The following FER variants were observed in gnomAD, a reference collection of about 807,000 sequenced individuals.
The protein encoded by FER is tyrosine-protein kinase Fer.
Under a neutral mutation model 111.0 loss-of-function variants are expected in FER, and 63 were observed. That is an observed-to-expected ratio of 0.57 (90% CI 0.46 to 0.70). FER has a LOEUF of 0.70. FER is among the 30% of genes least tolerant of loss of function. FER has a pLI of 0.00. For synonymous variants in FER, 327 were observed against 313.9 expected (o/e 1.04, Z -0.44); for missense variants, 914 against 954.0 (o/e 0.96, Z 0.55).
rs142969195 is a variant in FER at position 108,771,912 on chromosome 5, T to C, written c.-60+3674T>C. 1.9e-3 allele frequency among the ~76,000 whole-genome samples: 284 copies of C among 152,316 alleles called. 1 individual carries two copies. Among genetic ancestry groups the C allele is most frequent in the Middle Eastern group, 3.4e-3 (1 of 294 alleles). ...AATGTATTTGTCTTTTTGTTCATTT[T>C]GGCTGCTATGACAAAATACCTGAGA... On this transcript the variant is annotated intron_variant, in intron 2 of 19. Coordinates refer to ENST00000281092, the MANE Select transcript of FER (RefSeq NM_005246.4).
At chr5:109,085,581 A>T (rs538567989) in intron 16 of FER, among the ~76,000 whole-genome samples, 4 of 151,678 alleles carry the variant, frequency 2.6e-5, no homozygotes, top group Admixed American at 2.6e-4. Flanking sequence ...ATATTCAGTA[A>T]AATGATAAAT....
chr5:108,844,481 T>C (rs950664799), intron 5 of FER, among the ~76,000 whole-genome samples: 1 of 152,118 alleles, frequency 6.6e-6, no homozygotes, highest in African/African-American at 2.4e-5. Context: ...TTTTAACAGG[T>C]TCATTTTGAT....
chr5:108,915,316 T>C (rs1013537751), intron 10 of FER, among the ~76,000 whole-genome samples: 1 of 151,916 alleles, frequency 6.6e-6, no homozygotes, highest in Admixed American at 6.6e-5. Context: ...CTACTAAAAA[T>C]ACAAAAATTA....
rs546991728 is a variant in FER at position 108,781,054 on chromosome 5, A to T, written c.-60+12816A>T. On this transcript the variant is annotated intron_variant, in intron 2 of 19. Coordinates refer to ENST00000281092, the MANE Select transcript of FER (RefSeq NM_005246.4). ...CTGCTTACATTGCCCATCTGTTCTTATATGCAGTCTATTTTATCCATTAGA... is the reference window on the plus strand; with the variant it reads ...CTGCTTACATTGCCCATCTGTTCTTTTATGCAGTCTATTTTATCCATTAGA... Among the ~76,000 whole-genome samples the T allele has an allele frequency of 2.6e-5, 4 of 152,170 alleles. No homozygotes were observed. The East Asian group carries it at 5.8e-4, about 22-fold the overall frequency.
intron 17 of FER, among the ~76,000 whole-genome samples, chr5:109,116,878 TAATA>T (rs1750318145): frequency 6.6e-6 from 1 of 152,154 alleles, no homozygotes; most frequent in Non-Finnish European, 1.5e-5. Context: ...GTGAAATGAA[TAATA>T]AATACGTATT....
chr5:109,148,194 A>G (rs1348892639), intron 17 of FER, among the ~76,000 whole-genome samples: 1 of 152,096 alleles, frequency 6.6e-6, no homozygotes, highest in African/African-American at 2.4e-5. Context: ...AAGAATGGGA[A>G]TTAATCCATG....
intron 10 of FER, among the ~76,000 whole-genome samples, chr5:108,901,176 A>G (rs1446331839): frequency 6.6e-6 from 1 of 150,408 alleles, no homozygotes; most frequent in Non-Finnish European, 1.5e-5. Flanking sequence ...CTCTTTTCAG[A>G]TGCCAGGTCT....
chr5:109,061,470 C>T (rs545343494), intron 16 of FER, among the ~76,000 whole-genome samples: 23 of 152,102 alleles, frequency 1.5e-4, no homozygotes, highest in Non-Finnish European at 2.6e-4. Flanking sequence ...GTACAGAGAG[C>T]TTGAAGTGAC....
At chr5:108,830,753 G>A (rs1244818198) in intron 3 of FER, 2 of 152,184 alleles carry the variant, frequency 1.3e-5, no homozygotes, top group African/African-American at 4.8e-5. Context: ...CATTGTTCAT[G>A]GAGAAGGGTG....
In FER at chr5:109,180,826, G is replaced by C. The variant is rs760355122; in HGVS notation, c.2128G>C (p.Asp710His). 2.2e-5 allele frequency: 36 copies of C among 1,613,534 alleles called. No individual in the cohort carries two copies. The highest frequency in any genetic ancestry group is 8.3e-5 in the Admixed American group (5 of 59,926). Residue 710 changes from aspartate to histidine, a missense_variant, in exon 18 of 20, where the codon GAT becomes CAT. Around this residue, in one of 3 missense-constraint regions of FER, gnomAD observed 134 missense variants for 149.4 expected, o/e 0.90. Coordinates refer to ENST00000281092, the MANE Select transcript of FER (RefSeq NM_005246.4). ...TGACTTTGGAATGTCTCGTCAAGAGGATGGTGGAGTGTATTCATCTTCTGG... is the reference window on the plus strand; with the variant it reads ...TGACTTTGGAATGTCTCGTCAAGAGCATGGTGGAGTGTATTCATCTTCTGG... The part of the protein sequence containing the change: ...ISDFGMSRQE[D>H]GGVYSSSGLK...
chr5:109,000,290 G>T (rs1764564307), intron 13 of FER, among the ~76,000 whole-genome samples: 1 of 151,582 alleles, frequency 6.6e-6, no homozygotes, highest in African/African-American at 2.4e-5. Flanking sequence ...ACATATTTAA[G>T]CAGACATTAA....
chr5:108,775,056 G>T (rs759208186), intron 2 of FER, among the ~76,000 whole-genome samples: 1 of 152,056 alleles, frequency 6.6e-6, no homozygotes, highest in Non-Finnish European at 1.5e-5. Context: ...ATCCATCTGA[G>T]TTAATTTTTT....
At chr5:108,984,176 CT>C (rs150647406) in intron 13 of FER, among the ~76,000 whole-genome samples, 17,488 of 151,986 alleles carry the variant, frequency 0.12, 1,074 homozygotes, top group Middle Eastern at 0.15. Flanking sequence ...TAAAAGATCC[CT>C]AAAAGTTTTC....
chr5:109,048,446 A>G (rs1179101307), intron 16 of FER, among the ~76,000 whole-genome samples: 1 of 152,150 alleles, frequency 6.6e-6, no homozygotes, highest in African/African-American at 2.4e-5. Flanking sequence ...AAAAACTCAG[A>G]TTTGGGAGGT....
At chr5:109,006,422 ATG>A (rs1561760551) in intron 13 of FER, among the ~76,000 whole-genome samples, 5 of 152,170 alleles carry the variant, frequency 3.3e-5, no homozygotes. Flanking sequence ...GCCTACCGCC[ATG>A]TGAGACAAGC....
chr5:108,816,033 CCT>C (rs1022601012), intron 3 of FER, among the ~76,000 whole-genome samples: 1 of 151,846 alleles, frequency 6.6e-6, no homozygotes, highest in Non-Finnish European at 1.5e-5. Context: ...ATAGCAAGAC[CCT>C]GTCTTAACTA....
chr5:108,763,401 T>C (rs1751978388), intron 1 of FER, among the ~76,000 whole-genome samples: 1 of 152,152 alleles, frequency 6.6e-6, no homozygotes, highest in Non-Finnish European at 1.5e-5. Context: ...GAGGGCCAGG[T>C]GTTTACCTAC....
chr5:108,750,052 A>G (rs1212308909), intron 1 of FER, among the ~76,000 whole-genome samples: 2 of 152,192 alleles, frequency 1.3e-5, no homozygotes, highest in Non-Finnish European at 2.9e-5. Flanking sequence ...GAAGTTGCGT[A>G]TATTAATGGT....
chr5:109,040,764 T>C (rs1349465906), intron 14 of FER, among the ~76,000 whole-genome samples: 1 of 152,134 alleles, frequency 6.6e-6, no homozygotes, highest in Non-Finnish European at 1.5e-5. Flanking sequence ...TAGTTTGCAG[T>C]TGGGAATGAT....
Sources: gnomAD v4.1 joint callset for allele counts (sites outside exome capture counted in the v4.1 genomes callset) on GRCh38, gnomAD v4.1.1 for gene constraint, gnomAD v4.1.1 regional missense constraint, MANE v1.5 for transcripts, NCBI Gene and HGNC (gene_info 2026-07-23, HGNC 2026-07-21) for gene names.